The following SEC24B variants were observed in gnomAD, a reference collection of about 807,000 sequenced individuals.
SEC24B encodes the protein SEC24 homolog B, COPII component.
SEC24B carries 45 observed loss-of-function variants against 142.8 expected under a neutral mutation model. The ratio of observed to expected loss-of-function variants is 0.32; its 90% CI spans 0.25 to 0.40. The LOEUF (loss-of-function observed/expected upper bound fraction) is 0.40, where lower values mean the gene tolerates loss of function less well. SEC24B is among the 10% of genes least tolerant of loss of function. SEC24B has a pLI of 1.00. For missense variants in SEC24B, 1,409 were observed against 1,526.8 expected (o/e 0.92, Z 1.29); for synonymous variants, 574 against 568.2 (o/e 1.01, Z -0.15).
Position 109,447,407 on chromosome 4 carries a change from A to G in SEC24B, c.133+13405A>G, listed in dbSNP as rs139061454. ...TTCAGAAGCCTCTAAAAGACAGCTT[A>G]AAGTAAAACTGTCTTCTGCCCTGAT... On this transcript the variant is annotated intron_variant, in intron 1 of 23. Coordinates refer to ENST00000265175, the MANE Select transcript of SEC24B (RefSeq NM_006323.5). Among the ~76,000 whole-genome samples, 397 of 152,352 alleles carry G rather than the reference A, an allele frequency of 2.6e-3. 1 individual carries two copies. Among genetic ancestry groups the G allele is most frequent in the African/African-American group, 9.0e-3 (374 of 41,580 alleles).
At chr4:109,484,086 T>G (rs1412155131) in intron 4 of SEC24B, among the ~76,000 whole-genome samples, 1 of 152,252 alleles carries the variant, frequency 6.6e-6, no homozygotes, top group Non-Finnish European at 1.5e-5. Context: ...ATATCAGTTG[T>G]CTGAAGTAGA....
intron 2 of SEC24B, among the ~76,000 whole-genome samples, chr4:109,466,406 G>GTGTTT (rs959476191): frequency 9.2e-5 from 14 of 152,066 alleles, no homozygotes; most frequent in Non-Finnish European, 1.6e-4. Flanking sequence ...ACATAGTTTT[G>GTGTTT]TGTTTTGTTT....
rs768645205 is a variant in SEC24B at position 109,520,449 on chromosome 4, C to T, written c.2210C>T (p.Ser737Leu). The T allele has an allele frequency of 6.8e-6, 11 of 1,609,030 alleles. No homozygotes were observed. The South Asian group carries it at 1.2e-4, about 18-fold the overall frequency. Residue 737 changes from serine to leucine, a missense_variant, in exon 12 of 24, where the codon TCA (serine) becomes TTA (leucine). Physicochemically the swap from Ser to Leu is moderately radical, Grantham distance 145. Coordinates refer to ENST00000265175, the MANE Select transcript of SEC24B (RefSeq NM_006323.5). ...TTCTACAATTTACAAGAAGGATTATCACAGCCTCAAATGTTGATTGTGTCT... is the reference window on the plus strand; with the variant it reads ...TTCTACAATTTACAAGAAGGATTATTACAGCCTCAAATGTTGATTGTGTCT... ...IHFYNLQEGL[S>L]QPQMLIVSDI...
intron 1 of SEC24B, among the ~76,000 whole-genome samples, chr4:109,462,265 A>G (rs933645297): frequency 2.0e-5 from 3 of 152,200 alleles, no homozygotes; most frequent in Non-Finnish European, 4.4e-5. Context: ...ATAGCTGCAT[A>G]ACAAAATACC....
intron 9 of SEC24B, among the ~76,000 whole-genome samples, chr4:109,512,753 C>T (rs1737494006): frequency 1.3e-5 from 2 of 150,692 alleles, no homozygotes; most frequent in Non-Finnish European, 2.9e-5. Context: ...TTTCCAGGTT[C>T]AAGCTATAAG....
chr4:109,531,306 A>T, intron 19 of SEC24B, 79 bp from the exon 20 acceptor site: 1 of 1,199,324 alleles, frequency 8.3e-7, no homozygotes, highest in Non-Finnish European at 1.2e-6. Flanking sequence ...TTTTTCCATG[A>T]TTGACAGTGT....
chr4:109,445,040 C>T (rs780510958), intron 1 of SEC24B, among the ~76,000 whole-genome samples: 1 of 152,036 alleles, frequency 6.6e-6, no homozygotes, highest in Non-Finnish European at 1.5e-5. Flanking sequence ...CCTCCCACCT[C>T]AGCCTCTTGA....
rs1025759717 is a variant in SEC24B, at chr4:109,527,284, T to G, written c.2966-38T>G. 3.0e-6 allele frequency: 4 copies of G among 1,330,518 alleles called. No individual in the cohort carries two copies. The African/African-American group carries it at 5.9e-5, about 20-fold the overall frequency. 82.4% of individuals were successfully genotyped at this position (1,330,518 alleles called of 1,614,324 possible). A position where few individuals can be genotyped will look rare whatever the true frequency, so the allele number is the denominator to read the frequency against. ...GACATGTTTGCTTTGCTTTATTTCC[T>G]TTTTGATCTAATGTATTTTCAATGA... On this transcript the variant is annotated intron_variant, in intron 17 of 23. Coordinates refer to ENST00000265175, the MANE Select transcript of SEC24B (RefSeq NM_006323.5).
At chr4:109,512,662 A>C (rs1170901383) in intron 9 of SEC24B, among the ~76,000 whole-genome samples, 1 of 144,924 alleles carries the variant, frequency 6.9e-6, no homozygotes, top group Admixed American at 6.8e-5. Context: ...TTTTTTTTTT[A>C]ATTTTTTTTT....
intron 1 of SEC24B, among the ~76,000 whole-genome samples, chr4:109,435,961 G>A (rs1728375894): frequency 6.6e-6 from 1 of 152,190 alleles, no homozygotes; most frequent in Non-Finnish European, 1.5e-5. Context: ...TGCAGGGCAT[G>A]CTTGGAAAGT....
Position 109,538,516 on chromosome 4 carries a change from A to G in SEC24B, c.3612A>G (p.Thr1204=). The G allele has an allele frequency of 6.2e-7, 1 of 1,612,936 alleles. No individual in the cohort carries two copies. The highest frequency in any genetic ancestry group is 1.1e-5 in the South Asian group (1 of 91,050). The stretch of plus-strand genomic sequence containing the variant: ...AGACACATCTTCCAGAGCTAGATAC[A>G]CTTTCATCAGAAAGAGCCAGATCCT... ...QKMTHLPELD[T]LSSERARSFI... Residue 1204 remains threonine, a synonymous_variant, in exon 23 of 24, where the codon ACA becomes ACG. Transcript: ENST00000265175.
intron 9 of SEC24B, 129 bp from the exon 10 acceptor site, chr4:109,513,618 A>G (rs1442765924): frequency 5.0e-6 from 3 of 605,904 alleles, no homozygotes; most frequent in South Asian, 2.0e-5. Flanking sequence ...GATTTTTACC[A>G]TTAAATGTTC....
intron 10 of SEC24B, among the ~76,000 whole-genome samples, chr4:109,515,832 G>A (rs1490669225): frequency 3.3e-5 from 5 of 152,012 alleles, no homozygotes; most frequent in Admixed American, 2.6e-4. Context: ...GTGACATCAG[G>A]AGTTCATAAC....
At chr4:109,461,102 A>G (rs1243717643) in intron 1 of SEC24B, among the ~76,000 whole-genome samples, 1 of 152,186 alleles carries the variant, frequency 6.6e-6, no homozygotes, top group East Asian at 1.9e-4. Flanking sequence ...GCTAGAAATC[A>G]TTAAGGAAAT....
At chr4:109,508,058 CT>C (rs1480298521) in intron 7 of SEC24B, among the ~76,000 whole-genome samples, 2 of 152,138 alleles carry the variant, frequency 1.3e-5, no homozygotes, top group African/African-American at 4.8e-5. Flanking sequence ...AGTGGAGCTG[CT>C]TTGAGAATTT....
intron 10 of SEC24B, among the ~76,000 whole-genome samples, chr4:109,514,937 T>A (rs1038819426): frequency 6.6e-6 from 1 of 152,226 alleles, no homozygotes; most frequent in Non-Finnish European, 1.5e-5. Context: ...AACTTTATCT[T>A]GATCACTTTT....
At chr4:109,491,205 C>CT in intron 4 of SEC24B, 122 bp from the exon 5 acceptor site, 1 of 672,018 alleles carries the variant, frequency 1.5e-6, no homozygotes, top group Non-Finnish European at 2.6e-6. Flanking sequence ...AATCATTTTA[C>CT]TTTTTTACTA....
Position 109,491,400 on chromosome 4 carries a change from T to A in SEC24B, c.1239T>A (p.Ser413Arg). The change falls in exon 5 of 24, where the codon AGT becomes AGA. Residue 413 changes from serine to arginine, a missense_variant. Transcript: ENST00000265175. Reference protein sequence around the residue: ...PNSYDALEGGSYPDMLSSSAS... With the variant: ...PNSYDALEGGRYPDMLSSSAS... Reference sequence around the variant, plus strand: ...GTTATGATGCCCTGGAAGGAGGCAGTTACCCAGGTAATTTGTTTTGTGCTT... The same window carrying A: ...GTTATGATGCCCTGGAAGGAGGCAGATACCCAGGTAATTTGTTTTGTGCTT... The A allele has an allele frequency of 6.2e-7, 1 of 1,612,290 alleles. No homozygotes were observed. The highest frequency in any genetic ancestry group is 1.1e-5 in the South Asian group (1 of 91,008).
rs778902653 is a variant in SEC24B, at chr4:109,510,146, A to T, written c.1776+35A>T. The stretch of plus-strand genomic sequence containing the variant: ...CATTTTATAATATTTATGGGTACTG[A>T]CATGTATGCTTATGTACAAGGTACT... On this transcript the variant is annotated intron_variant, in intron 8 of 23. Coordinates refer to ENST00000265175, the MANE Select transcript of SEC24B (RefSeq NM_006323.5). 3.9e-5 allele frequency: 45 copies of T among 1,157,374 alleles called. No individual in the cohort carries two copies. The South Asian group carries it at 6.7e-4, about 17-fold the overall frequency. The allele number at this position is 1,157,374 out of a possible 1,614,324, so 71.7% of individuals were successfully genotyped here. A position where few individuals can be genotyped will look rare whatever the true frequency, so the allele number is the denominator to read the frequency against.
Sources: gnomAD v4.1 joint callset for allele counts (sites outside exome capture counted in the v4.1 genomes callset) on GRCh38, gnomAD v4.1.1 for gene constraint, MANE v1.5 for transcripts, NCBI Gene and HGNC (gene_info 2026-07-23, HGNC 2026-07-21) for gene names.